The following WDR93 variants were observed in gnomAD, a reference collection of about 807,000 sequenced individuals.
WDR93 encodes WD repeat-containing protein 93.
Under a neutral mutation model 82.9 loss-of-function variants are expected in WDR93, and 73 were observed. The ratio of observed to expected loss-of-function variants is 0.88; its 90% CI spans 0.73 to 1.07. WDR93 has a LOEUF of 1.07. Ranked by LOEUF, WDR93 falls within the 50% of genes least tolerant of loss-of-function variation. The pLI, the probability that WDR93 is intolerant of heterozygous loss-of-function variation, is 0.00. For missense variants in WDR93, 738 were observed against 826.0 expected (o/e 0.89, Z 1.31); for synonymous variants, 283 against 300.1 (o/e 0.94, Z 0.59).
chr15:89,705,491 AT>A, intron 3 of WDR93, 62 bp from the exon 4 acceptor site: 3 of 1,031,200 alleles, frequency 2.9e-6, no homozygotes, highest in Non-Finnish European at 4.6e-6. Flanking sequence ...CCAATATAAA[AT>A]TTCCAGTTTC....
rs554417917 is a variant in WDR93, at chr15:89,720,870, C to G, written c.796-1185C>G. Among the ~76,000 whole-genome samples, 4 of 152,252 alleles carry G rather than the reference C, an allele frequency of 2.6e-5. No individual in the cohort carries two copies. In the South Asian group the frequency reaches 8.3e-4, roughly 32 times the overall value. Reference sequence around the variant, plus strand: ...TTCTGTTTTTCCTTTTATATCCTTACTATATTCTTACTGATTTTCTGTTTA... The same window carrying G: ...TTCTGTTTTTCCTTTTATATCCTTAGTATATTCTTACTGATTTTCTGTTTA... On this transcript the variant is annotated intron_variant, in intron 7 of 16. Transcript: ENST00000268130.
At chr15:89,729,448 G>A (rs1465503438) in intron 10 of WDR93, among the ~76,000 whole-genome samples, 1 of 152,180 alleles carries the variant, frequency 6.6e-6, no homozygotes, top group East Asian at 1.9e-4. Flanking sequence ...GGGGAGTTGA[G>A]ACTGTCCTCC....
At chr15:89,715,161 T>A in intron 6 of WDR93, 66 bp downstream of exon 6, 3 of 1,447,464 alleles carry the variant, frequency 2.1e-6, no homozygotes, top group Non-Finnish European at 2.8e-6. Context: ...CTAGCCCAAG[T>A]CCTTGGAAAC....
intron 7 of WDR93, among the ~76,000 whole-genome samples, chr15:89,720,860 T>C (rs1406813079): frequency 6.6e-6 from 1 of 152,252 alleles, no homozygotes; most frequent in Admixed American, 6.5e-5. Flanking sequence ...TTTTTCCTTT[T>C]ATATCCTTAC....
In WDR93 at chr15:89,701,991, G is replaced by T; in HGVS notation, c.245G>T (p.Arg82Met). ...WEIIEERNALREAESSQIQPT... is the reference protein window; with the variant it reads ...WEIIEERNALMEAESSQIQPT... ...ATTATTGAAGAGAGAAACGCACTGA[G>T]GGAAGCTGAGAGCAGCCAGATCCAG... The change falls in exon 2 of 17, where the codon AGG (arginine) becomes ATG (methionine). Residue 82 changes from arginine to methionine, a missense_variant. Physicochemically the swap from Arg to Met is moderately conservative, Grantham distance 91. Coordinates refer to ENST00000268130, the MANE Select transcript of WDR93 (RefSeq NM_020212.2). 1 of 1,613,294 alleles carries T rather than the reference G, an allele frequency of 6.2e-7. No individual in the cohort carries two copies. Among genetic ancestry groups the T allele is most frequent in the Non-Finnish European group, 8.5e-7 (1 of 1,180,006 alleles).
chr15:89,738,252 T>C lies in WDR93; in HGVS notation c.1961+16T>C. The C allele has an allele frequency of 1.3e-6, 2 of 1,573,416 alleles. No homozygotes were observed. Among genetic ancestry groups the C allele is most frequent in the African/African-American group, 1.4e-5 (1 of 73,022 alleles). On this transcript the variant is annotated intron_variant, in intron 16 of 16. Coordinates refer to ENST00000268130, the MANE Select transcript of WDR93 (RefSeq NM_020212.2). ...TCCAGAAGAGGTAAAGAGCTCTGTGTCTTCACCCCCTCCCACATCTGAGGT... is the reference window on the plus strand; with the variant it reads ...TCCAGAAGAGGTAAAGAGCTCTGTGCCTTCACCCCCTCCCACATCTGAGGT...
intron 1 of WDR93, among the ~76,000 whole-genome samples, chr15:89,691,228 A>G (rs62021494): frequency 0.074 from 11,319 of 152,204 alleles, 556 homozygotes; most frequent in East Asian, 0.13. Context: ...GAAGTGAGAA[A>G]ATGTTCTGCT....
At chr15:89,718,558 TG>T (rs1226472014) in intron 7 of WDR93, among the ~76,000 whole-genome samples, 1 of 151,508 alleles carries the variant, frequency 6.6e-6, no homozygotes, top group Non-Finnish European at 1.5e-5. Flanking sequence ...AGCCCTGGAG[TG>T]GAGGCTGCAG....
At chr15:89,720,740 A>G (rs1966491424) in intron 7 of WDR93, among the ~76,000 whole-genome samples, 2 of 152,212 alleles carry the variant, frequency 1.3e-5, no homozygotes, top group Admixed American at 1.3e-4. Flanking sequence ...GATTTGTTTT[A>G]TTCCCACAAT....
At chr15:89,690,898 C>T (rs534191318) in intron 1 of WDR93, 41 bp downstream of exon 1, 83 of 456,008 alleles carry the variant, frequency 1.8e-4, no homozygotes, top group African/African-American at 1.5e-3. Context: ...CGGGGCTCCC[C>T]TCGAGTCCCA....
rs757100443 is a variant in WDR93 at position 89,735,522 on chromosome 15, C to T, written c.1577C>T (p.Ala526Val). Residue 526 changes from alanine to valine, a missense_variant, in exon 14 of 17, where the codon GCC becomes GTC. Transcript: ENST00000268130. ...PVKHLDKTIC[A>V]VAPVPALPGM... Reference sequence around the variant, plus strand: ...AAGCACCTGGATAAAACCATCTGTGCCGTGGCCCCAGTCCCAGCCTTACCT... The same window carrying T: ...AAGCACCTGGATAAAACCATCTGTGTCGTGGCCCCAGTCCCAGCCTTACCT... The T allele has an allele frequency of 8.1e-6, 13 of 1,614,130 alleles. No homozygotes were observed. In the South Asian group the frequency reaches 1.4e-4, roughly 18 times the overall value.
At chr15:89,695,724 G>A (rs1965134071) in intron 1 of WDR93, among the ~76,000 whole-genome samples, 1 of 151,234 alleles carries the variant, frequency 6.6e-6, no homozygotes, top group South Asian at 2.1e-4. Flanking sequence ...TCCTATATAA[G>A]CATATCATCT....
chr15:89,706,634 A>G (rs1200765223), intron 4 of WDR93, among the ~76,000 whole-genome samples: 1 of 152,178 alleles, frequency 6.6e-6, no homozygotes, highest in Non-Finnish European at 1.5e-5. Flanking sequence ...GAGATTTTAG[A>G]TCTAAATGTA....
At chr15:89,729,159 C>G in intron 10 of WDR93, 66 bp downstream of exon 10, 1 of 1,443,590 alleles carries the variant, frequency 6.9e-7, no homozygotes, top group Non-Finnish European at 9.8e-7. Context: ...CCTCAGCAAG[C>G]CCCCACAGAG....
intron 16 of WDR93, among the ~76,000 whole-genome samples, chr15:89,740,435 T>C (rs530216238): frequency 1.2e-4 from 19 of 152,292 alleles, no homozygotes; most frequent in East Asian, 9.7e-4. Context: ...ATGGTTGACA[T>C]TGGCCCTCTC....
chr15:89,725,181 A>G (rs1966684464), intron 8 of WDR93, among the ~76,000 whole-genome samples: 1 of 152,222 alleles, frequency 6.6e-6, no homozygotes, highest in African/African-American at 2.4e-5. Flanking sequence ...AACACAAAGC[A>G]ACTAAATTTT....
chr15:89,736,270 C>T (rs188709889), intron 14 of WDR93, among the ~76,000 whole-genome samples: 3 of 152,280 alleles, frequency 2.0e-5, no homozygotes, highest in Admixed American at 2.0e-4. Context: ...AGGTGATTCC[C>T]CAGTCCTTAC....
rs1296734582 is a variant in WDR93, at chr15:89,737,596, C to T, written c.1632C>T (p.Gly544=). The T allele has an allele frequency of 6.2e-7, 1 of 1,614,220 alleles. No individual in the cohort carries two copies. Among genetic ancestry groups the T allele is most frequent in the Non-Finnish European group, 8.5e-7 (1 of 1,180,034 alleles). Residue 544 remains glycine (G), a synonymous_variant, in exon 15 of 17, where the codon GGC becomes GGT. Transcript: ENST00000268130. The part of the protein sequence containing the change: ...PGMVLIFSKN[G]SVCLMDVAKR... ...AGGTGCTCATCTTTTCCAAGAATGGCTCTGTGTGCCTTATGGATGTGGCCA... is the reference window on the plus strand; with the variant it reads ...AGGTGCTCATCTTTTCCAAGAATGGTTCTGTGTGCCTTATGGATGTGGCCA...
intron 1 of WDR93, among the ~76,000 whole-genome samples, chr15:89,696,475 ATTGGTG>A (rs1229404528): frequency 8.1e-6 from 1 of 124,112 alleles, no homozygotes; most frequent in Non-Finnish European, 1.8e-5. Flanking sequence ...GTGAACTTAC[ATTGGTG>A]GTGGTGGTGG....
Sources: gnomAD v4.1 joint callset for allele counts (sites outside exome capture counted in the v4.1 genomes callset) on GRCh38, gnomAD v4.1.1 for gene constraint, MANE v1.5 for transcripts, NCBI Gene and HGNC (gene_info 2026-07-23, HGNC 2026-07-21) for gene names.